Variants in PLEKHA1 observed in about 807,000 individuals in gnomAD.
PLEKHA1 encodes pleckstrin homology domain containing A1.
PLEKHA1 carries 34 observed loss-of-function variants against 52.0 expected under a neutral mutation model. The ratio of observed to expected loss-of-function variants is 0.65; its 90% confidence interval spans 0.50 to 0.87. The LOEUF (loss-of-function observed/expected upper bound fraction) is 0.87. Ranked by LOEUF, PLEKHA1 falls within the 40% of genes least tolerant of loss-of-function variation. PLEKHA1 has a pLI of 0.00. For missense variants in PLEKHA1, 497 were observed against 504.2 expected (o/e 0.99, Z 0.14); for synonymous variants, 163 against 170.7 (o/e 0.95, Z 0.35).
chr10:122,397,470 T>TG lies in PLEKHA1; in HGVS notation c.142-442dup, dbSNP rs929129336. Among the ~76,000 whole-genome samples the TG allele has an allele frequency of 5.9e-5, 9 of 152,222 alleles. No individual in the cohort carries two copies. The South Asian group carries it at 6.2e-4, about 11-fold the overall frequency. On this transcript the variant is annotated intron_variant, in intron 2 of 11. Transcript: ENST00000368990. ...CATAAAAAACAGTAAACCATTTAAA[T>TG]GGGGGGAAATGCAGTCCATTTTTGT...
chr10:122,399,481 C>T (rs573993969), intron 3 of PLEKHA1, among the ~76,000 whole-genome samples: 3 of 152,222 alleles, frequency 2.0e-5, no homozygotes, highest in African/African-American at 7.2e-5. Flanking sequence ...AAGAGAGGAT[C>T]CAGTCCCATT....
At chr10:122,413,746 T>C (rs941805242) in intron 6 of PLEKHA1, among the ~76,000 whole-genome samples, 23 of 152,114 alleles carry the variant, frequency 1.5e-4, no homozygotes, top group African/African-American at 4.6e-4. Flanking sequence ...GTTTTGCTAT[T>C]GAAAAGGATG....
chr10:122,410,187 G>A (rs1172402528), intron 5 of PLEKHA1, among the ~76,000 whole-genome samples: 2 of 152,132 alleles, frequency 1.3e-5, no homozygotes, highest in African/African-American at 4.8e-5. Context: ...ACTTAAATCT[G>A]TCTTGTTCAT....
intron 1 of PLEKHA1, among the ~76,000 whole-genome samples, chr10:122,389,476 G>C (rs561815263): frequency 6.6e-6 from 1 of 152,338 alleles, no homozygotes; most frequent in Non-Finnish European, 1.5e-5. Flanking sequence ...AAGGCAAGCG[G>C]ATCACCTGAG....
At chr10:122,413,899 A>G (rs946250731) in intron 6 of PLEKHA1, among the ~76,000 whole-genome samples, 4 of 152,108 alleles carry the variant, frequency 2.6e-5, no homozygotes, top group Non-Finnish European at 4.4e-5. Flanking sequence ...AATCTTTTAA[A>G]TCAAATTGTA....
At chr10:122,435,983 A>G (rs1270232282), downstream of PLEKHA1, 2 of 152,188 alleles carry the variant, frequency 1.3e-5, no homozygotes, top group Non-Finnish European at 2.9e-5. Flanking sequence ...TATAACCAAG[A>G]TACTGACACT....
intron 1 of PLEKHA1, among the ~76,000 whole-genome samples, chr10:122,390,271 G>C (rs752590099): frequency 1.2e-4 from 19 of 152,196 alleles, no homozygotes; most frequent in Non-Finnish European, 1.5e-4. Flanking sequence ...TTGATGTTCT[G>C]TCGAGACCAG....
chr10:122,387,489 A>G (rs1590312373), intron 1 of PLEKHA1: 1 of 152,216 alleles, frequency 6.6e-6, no homozygotes, highest in Non-Finnish European at 1.5e-5. Flanking sequence ...AAATTCTGAC[A>G]TATATTTGTT....
intron 6 of PLEKHA1, among the ~76,000 whole-genome samples, chr10:122,415,548 A>G (rs944505769): frequency 6.6e-6 from 1 of 152,228 alleles, no homozygotes; most frequent in African/African-American, 2.4e-5. Context: ...GAAAGGGTAC[A>G]TAGGACCTGT....
intron 1 of PLEKHA1, among the ~76,000 whole-genome samples, chr10:122,377,234 C>T (rs1285592686): frequency 6.6e-6 from 1 of 152,112 alleles, no homozygotes; most frequent in Non-Finnish European, 1.5e-5. Context: ...TTATTTGTGA[C>T]AATAGTAACA....
intron 1 of PLEKHA1, among the ~76,000 whole-genome samples, chr10:122,385,510 T>C (rs940987086): frequency 1.3e-5 from 2 of 152,120 alleles, no homozygotes; most frequent in Non-Finnish European, 2.9e-5. Flanking sequence ...GAGACGGGGC[T>C]TCTCCGTGTT....
rs2097421795 is a variant in PLEKHA1 at position 122,432,270 on chromosome 10, T to C, written c.*2332T>C. The C allele has an allele frequency of 1.3e-5, 2 of 152,202 alleles. No individual in the cohort carries two copies. Among genetic ancestry groups the C allele is most frequent in the Admixed American group, 1.3e-4 (2 of 15,284 alleles). 9.4% of individuals were successfully genotyped at this position (152,202 alleles called of 1,614,324 possible). On this transcript the variant is annotated 3_prime_UTR_variant, in exon 12 of 12. Transcript: ENST00000368990. The stretch of plus-strand genomic sequence containing the variant: ...GGGAATATATGTGTGCCTCCCAACA[T>C]TTACTGTTAAAGTGTGTTATCTTTA...
At chr10:122,407,387 GGTTTTACT>G (rs2097034317) in intron 5 of PLEKHA1, among the ~76,000 whole-genome samples, 1 of 152,220 alleles carries the variant, frequency 6.6e-6, no homozygotes, top group African/African-American at 2.4e-5. Flanking sequence ...TTAGACCGAA[GGTTTTACT>G]TAAATGAACT....
chr10:122,434,629 A>T (rs1289036861), downstream of PLEKHA1: 1 of 151,728 alleles, frequency 6.6e-6, no homozygotes, highest in Non-Finnish European at 1.5e-5. Flanking sequence ...CAGGTTAGTT[A>T]CATATGTATA....
intron 10 of PLEKHA1, chr10:122,425,300 TAAAA>T (rs905900175): frequency 5.7e-6 from 1 of 174,506 alleles, no homozygotes; most frequent in Non-Finnish European, 1.2e-5. Flanking sequence ...GTAACCTTAT[TAAAA>T]AAACCCATAG....
At chr10:122,424,322 A>C in intron 9 of PLEKHA1, 59 bp downstream of exon 9, 1 of 1,513,416 alleles carries the variant, frequency 6.6e-7, no homozygotes, top group Non-Finnish European at 8.9e-7. Flanking sequence ...ATAGTGCCTT[A>C]GTTTGAGTAA....
chr10:122,401,881 G>A (rs1467603021), intron 4 of PLEKHA1, among the ~76,000 whole-genome samples: 2 of 152,106 alleles, frequency 1.3e-5, no homozygotes, highest in African/African-American at 4.8e-5. Flanking sequence ...CTTGAAAAGG[G>A]CAGATTTCTT....
intron 2 of PLEKHA1, among the ~76,000 whole-genome samples, chr10:122,396,918 T>TA (rs2096857864): frequency 6.6e-6 from 1 of 152,118 alleles, no homozygotes; most frequent in African/African-American, 2.4e-5. Flanking sequence ...AGATATATTA[T>TA]AAAAAGAGCA....
intron 1 of PLEKHA1, among the ~76,000 whole-genome samples, chr10:122,392,884 A>AT (rs556258656): frequency 5.9e-5 from 9 of 151,932 alleles, no homozygotes; most frequent in Admixed American, 4.6e-4. Context: ...TTGGATAACT[A>AT]TTTTTTTTGG....
Sources: allele counts gnomAD v4.1 joint callset (sites outside exome capture counted in the v4.1 genomes callset), GRCh38; gene constraint gnomAD v4.1.1; transcripts MANE v1.5; gene names NCBI Gene and HGNC (gene_info 2026-07-23, HGNC 2026-07-21).